VCPIP1: variants seen among roughly 807,000 people sequenced by gnomAD.
VCPIP1 encodes valosin containing protein interacting protein 1.
In VCPIP1, 8 loss-of-function variants were observed where a neutral mutation model predicts 85.0. The ratio of observed to expected loss-of-function variants is 0.09; its 90% CI spans 0.06 to 0.17. The LOEUF is 0.17. Among genes scored for constraint, VCPIP1 ranks in the 10% least tolerant of loss-of-function variants. The pLI is 1.00. For synonymous variants in VCPIP1, 543 were observed against 544.5 expected (o/e 1.00, Z 0.04); for missense variants, 1,070 against 1,486.3 (o/e 0.72, Z 4.61).
chr8:66,645,988 A>G (rs1810991876), intron 2 of VCPIP1, among the ~76,000 whole-genome samples: 1 of 152,086 alleles, frequency 6.6e-6, no homozygotes, highest in Non-Finnish European at 1.5e-5. Flanking sequence ...CGTTGTCAAG[A>G]TATCAACTGT....
chr8:66,665,597 T>C lies in VCPIP1; in HGVS notation c.1362A>G (p.Thr454=), dbSNP rs768906881. 6.2e-7 allele frequency: 1 copy of C among 1,614,206 alleles called. No homozygotes were observed. Residue 454 remains threonine (T), a synonymous_variant, in exon 1 of 3, where the codon ACA becomes ACG. Coordinates refer to ENST00000310421, the MANE Select transcript of VCPIP1 (RefSeq NM_025054.5). This position sits in a 1 kb window ranked among gnomAD's most constrained non-coding sequence, Gnocchi z 4.3. ...CCATTACTGCTTTTTTAGCAGCTGC[T>C]GTGACTTCCTCAGGCTGAACTCCTA... ...GVIGVQPEEV[T]AAAKKAVMDN...
rs774399170 is a variant in VCPIP1, at chr8:66,634,759, A to T, written c.3411T>A (p.Pro1137=). The T allele has an allele frequency of 6.2e-6, 10 of 1,614,126 alleles. No homozygotes were observed. Among genetic ancestry groups the T allele is most frequent in the Middle Eastern group, 1.6e-4 (1 of 6,084 alleles). The part of the protein sequence containing the change: ...QSTEQSPSDL[P]QRKTEVVSSS... Reference sequence around the variant, plus strand: ...AACTCACAACTTCTGTTTTCCTTTGAGGAAGATCAGATGGTGACTGCTCTG... The same window carrying T: ...AACTCACAACTTCTGTTTTCCTTTGTGGAAGATCAGATGGTGACTGCTCTG... Residue 1137 remains proline, a synonymous_variant, in exon 3 of 3, where the codon CCT becomes CCA. Transcript: ENST00000310421.
chr8:66,640,447 G>C (rs1428155351), intron 2 of VCPIP1, among the ~76,000 whole-genome samples: 2 of 152,202 alleles, frequency 1.3e-5, no homozygotes, highest in Non-Finnish European at 2.9e-5. Context: ...CTCTGATACA[G>C]AAAGGAGGCA....
Position 66,665,525 on chromosome 8 carries a change from A to G in VCPIP1, c.1434T>C (p.Leu478=), listed in dbSNP as rs749482006. The change falls in exon 1 of 3, where the codon CTT becomes CTC. Residue 478 remains leucine, a synonymous_variant. Coordinates refer to ENST00000310421, the MANE Select transcript of VCPIP1 (RefSeq NM_025054.5). This position sits in a 1 kb window ranked among gnomAD's most constrained non-coding sequence, Gnocchi z 4.3. ...GAGCCAACCACTCTGGAGGAACATGAAGTTCAGAAAGGGCACCACAGAGCA... is the reference window on the plus strand; with the variant it reads ...GAGCCAACCACTCTGGAGGAACATGGAGTTCAGAAAGGGCACCACAGAGCA... ...KCLLCGALSE[L]HVPPEWLAPG... 16 of 1,614,002 alleles carry G rather than the reference A, an allele frequency of 9.9e-6. No individual in the cohort carries two copies. In the South Asian group the frequency reaches 1.5e-4, roughly 16 times the overall value.
intron 1 of VCPIP1, among the ~76,000 whole-genome samples, chr8:66,661,972 T>C (rs1233774956): frequency 6.6e-6 from 1 of 151,600 alleles, no homozygotes; most frequent in African/African-American, 2.4e-5. Context: ...TTTCACCATC[T>C]TAGCCAGGAT....
At position 66,633,743 on chromosome 8, in the gene VCPIP1, C is replaced by T. The variant is rs1018110577; in HGVS notation, c.*758G>A. 2.0e-5 allele frequency: 3 copies of T among 150,132 alleles called. No homozygotes were observed. Among genetic ancestry groups the T allele is most frequent in the Non-Finnish European group, 4.4e-5 (3 of 67,602 alleles). 9.3% of individuals were successfully genotyped at this position (150,132 alleles called of 1,614,324 possible). On this transcript the variant is annotated 3_prime_UTR_variant, in exon 3 of 3. Coordinates refer to ENST00000310421, the MANE Select transcript of VCPIP1 (RefSeq NM_025054.5). The stretch of plus-strand genomic sequence containing the variant: ...CCACACTTTGCAATCAACTTTTCTG[C>T]AAGATTAAAAAAAAAAAAATCAGGT...
intron 2 of VCPIP1, among the ~76,000 whole-genome samples, chr8:66,638,871 T>C (rs530509251): frequency 3.9e-4 from 60 of 152,180 alleles, no homozygotes; most frequent in African/African-American, 1.1e-3. Context: ...TTGAGTATTA[T>C]ATAGTTAAAA....
In VCPIP1 at chr8:66,666,211, G is replaced by C. The variant is rs1203226118; in HGVS notation, c.748C>G (p.Leu250Val). 6.2e-7 allele frequency: 1 copy of C among 1,613,804 alleles called. No homozygotes were observed. Among genetic ancestry groups the C allele is most frequent in the Non-Finnish European group, 8.5e-7 (1 of 1,179,926 alleles). ...TGGAACAGAGCTTGATATCGGGCCAGGTGCTGCTGAAAGTGCTGTTTAAGA... is the reference window on the plus strand; with the variant it reads ...TGGAACAGAGCTTGATATCGGGCCACGTGCTGCTGAAAGTGCTGTTTAAGA... ...ENLKQHFQQH[L>V]ARYQALFHDF... The change falls in exon 1 of 3, where the codon CTG (leucine) becomes GTG (valine). Residue 250 changes from leucine to valine, a missense_variant. Leu to Val is a conservative substitution (Grantham distance 32, BLOSUM62 1). Around this residue, in one of 8 missense-constraint regions of VCPIP1, gnomAD observed 118 missense variants for 337.1 expected, o/e 0.35. Coordinates refer to ENST00000310421, the MANE Select transcript of VCPIP1 (RefSeq NM_025054.5). The surrounding 1 kb of genome is among the most constrained non-coding windows in gnomAD (Gnocchi z 6.3).
At chr8:66,647,401 A>G (rs1811007970) in intron 2 of VCPIP1, among the ~76,000 whole-genome samples, 1 of 151,738 alleles carries the variant, frequency 6.6e-6, no homozygotes, top group African/African-American at 2.4e-5. Flanking sequence ...AATAAAATTT[A>G]TATGGATAAA....
rs1810868171 is a variant in VCPIP1, at chr8:66,634,804, C to T, written c.3366G>A (p.Arg1122=). 1 of 1,614,078 alleles carries T rather than the reference C, an allele frequency of 6.2e-7. No homozygotes were observed. Among genetic ancestry groups the T allele is most frequent in the Non-Finnish European group, 8.5e-7 (1 of 1,180,046 alleles). ...MVSSIQASMD[R]HLRDQSTEQS... ...GCTCTGTACTTTGATCCCGAAGGTG[C>T]CTGTCCATTGAAGCCTGAATAGAAG... The change falls in exon 3 of 3, where the codon AGG becomes AGA. Residue 1122 remains arginine (R), a synonymous_variant. Coordinates refer to ENST00000310421, the MANE Select transcript of VCPIP1 (RefSeq NM_025054.5).
At chr8:66,653,476 C>T (rs1224501681) in intron 1 of VCPIP1, 2 of 152,114 alleles carry the variant, frequency 1.3e-5, no homozygotes, top group Non-Finnish European at 2.9e-5. Flanking sequence ...CAGGGCTGGT[C>T]TAAAGGTAGT....
rs780183088 is a variant in VCPIP1 at position 66,635,106 on chromosome 8, C to T, written c.3064G>A (p.Val1022Ile). ...VKKKSEQLHN[V>I]TAFQGKGHSL... ...TGCCCTTTTCCCTGAAAGGCAGTTA[C>T]GTTATGAAGTTGCTCAGATTTCTTT... Residue 1022 changes from valine to isoleucine, a missense_variant, in exon 3 of 3, where the codon GTA becomes ATA. Val to Ile is a conservative substitution (Grantham distance 29). Coordinates refer to ENST00000310421, the MANE Select transcript of VCPIP1 (RefSeq NM_025054.5). 1.8e-5 allele frequency: 29 copies of T among 1,614,188 alleles called. No homozygotes were observed. Among genetic ancestry groups the T allele is most frequent in the Non-Finnish European group, 2.4e-5 (28 of 1,180,038 alleles).
intron 1 of VCPIP1, among the ~76,000 whole-genome samples, chr8:66,662,672 T>G (rs1811168473): frequency 6.6e-6 from 1 of 151,936 alleles, no homozygotes. Flanking sequence ...TTTTATTTAT[T>G]TACTTATTCA....
In VCPIP1 at chr8:66,666,984, C is replaced by T; in HGVS notation, c.-26G>A. 6.7e-7 allele frequency: 1 copy of T among 1,503,128 alleles called. No homozygotes were observed. The highest frequency in any genetic ancestry group is 8.8e-7 in the Non-Finnish European group (1 of 1,133,628). The allele number at this position is 1,503,128 out of a possible 1,614,324, so 93.1% of individuals were successfully genotyped here. ...AGCTCCTGGCTCTCGTGTCTCGCTC[C>T]GCGTCCCAGGCGACCCTCAAAAGCT... On this transcript the variant is annotated 5_prime_UTR_variant, in exon 1 of 3. Coordinates refer to ENST00000310421, the MANE Select transcript of VCPIP1 (RefSeq NM_025054.5). This position sits in a 1 kb window ranked among gnomAD's most constrained non-coding sequence, Gnocchi z 6.3.
intron 2 of VCPIP1, among the ~76,000 whole-genome samples, chr8:66,651,185 CAAAAAAA>C (rs896750189): frequency 3.9e-5 from 2 of 51,160 alleles, no homozygotes; most frequent in Admixed American, 2.2e-4. Flanking sequence ...AATTCCATCT[CAAAAAAA>C]AAAAAAAAAA....
At chr8:66,646,362 T>C (rs891528917) in intron 2 of VCPIP1, among the ~76,000 whole-genome samples, 1 of 152,126 alleles carries the variant, frequency 6.6e-6, no homozygotes, top group Non-Finnish European at 1.5e-5. Context: ...CCACTGTGCC[T>C]GGCCCAAAAT....
At position 66,635,035 on chromosome 8, in the gene VCPIP1, A is replaced by C. The variant is rs753026220; in HGVS notation, c.3135T>G (p.Ala1045=). ...GCTTTCTTACAACTGAAGTTTCCCT[A>C]GCTCTTGGATCAAGGTGTGGGTTAC... ...ASGNPHLDPR[A]RETSVVRKHN... Residue 1045 remains alanine, a synonymous_variant, in exon 3 of 3, where the codon GCT becomes GCG. Transcript: ENST00000310421. 2 of 1,613,672 alleles carry C rather than the reference A, an allele frequency of 1.2e-6. No individual in the cohort carries two copies. The highest frequency in any genetic ancestry group is 2.2e-5 in the South Asian group (2 of 91,062).
At chr8:66,662,834 A>G (rs1251180468) in intron 1 of VCPIP1, among the ~76,000 whole-genome samples, 1 of 151,922 alleles carries the variant, frequency 6.6e-6, no homozygotes, top group Non-Finnish European at 1.5e-5. Flanking sequence ...GTCACAGGCC[A>G]CCTAGGATTT....
chr8:66,655,620 T>C (rs1042372669), intron 1 of VCPIP1, among the ~76,000 whole-genome samples: 1 of 152,204 alleles, frequency 6.6e-6, no homozygotes, highest in Non-Finnish European at 1.5e-5. Context: ...AAAATACAAC[T>C]AATGATTATA....
Sources: gnomAD v4.1 joint callset for allele counts (sites outside exome capture counted in the v4.1 genomes callset) on GRCh38, gnomAD v4.1.1 for gene constraint, gnomAD v4.1.1 regional missense constraint, Gnocchi (gnomAD v3.1) non-coding constraint, MANE v1.5 for transcripts, NCBI Gene and HGNC (gene_info 2026-07-23, HGNC 2026-07-21) for gene names.